Variants in MYO5B observed in about 807,000 individuals in gnomAD.
MYO5B encodes the protein myosin VB.
A neutral mutation model predicts 229.3 loss-of-function variants in MYO5B; 143 were observed. The ratio of observed to expected loss-of-function variants is 0.62; its 90% CI spans 0.54 to 0.72. MYO5B has a LOEUF of 0.72. Among genes scored for constraint, MYO5B ranks in the 30% least tolerant of loss-of-function variants. MYO5B has a pLI of 0.00. For missense variants in MYO5B, 2,321 were observed against 2,331.0 expected (o/e 1.00, Z 0.09); for synonymous variants, 918 against 885.2 (o/e 1.04, Z -0.66).
At chr18:49,858,463 C>T (rs572804684) in intron 29 of MYO5B, among the ~76,000 whole-genome samples, 129 of 152,318 alleles carry the variant, frequency 8.5e-4, no homozygotes, top group Middle Eastern at 6.8e-3. Flanking sequence ...CTGACTCCTG[C>T]GCCAGGACCC....
At chr18:49,848,294 T>A (rs981883221) in intron 32 of MYO5B, among the ~76,000 whole-genome samples, 1 of 147,616 alleles carries the variant, frequency 6.8e-6, no homozygotes, top group East Asian at 2.0e-4. Flanking sequence ...GGATGAAGGG[T>A]GGGTGCTGAT....
At chr18:49,936,936 C>T (rs1369864824) in intron 15 of MYO5B, among the ~76,000 whole-genome samples, 1 of 152,120 alleles carries the variant, frequency 6.6e-6, no homozygotes, top group Non-Finnish European at 1.5e-5. Context: ...TCCTCTCTAA[C>T]CTATAAATTC....
At chr18:50,043,309 A>AT (rs1401881431) in intron 2 of MYO5B, among the ~76,000 whole-genome samples, 5 of 102,028 alleles carry the variant, frequency 4.9e-5, no homozygotes, top group African/African-American at 1.6e-4. Flanking sequence ...AATATATAAT[A>AT]TAAATATATA....
At chr18:50,090,092 C>G (rs1306989224) in intron 1 of MYO5B, among the ~76,000 whole-genome samples, 1 of 152,160 alleles carries the variant, frequency 6.6e-6, no homozygotes, top group African/African-American at 2.4e-5. Context: ...TGTCTCTGTA[C>G]GAGGGAGCTT....
intron 17 of MYO5B, among the ~76,000 whole-genome samples, chr18:49,921,787 C>T (rs899753180): frequency 6.6e-5 from 10 of 152,200 alleles, no homozygotes; most frequent in South Asian, 2.1e-4. Context: ...TGCTCGGGCT[C>T]TTGGGAGCAG....
chr18:49,929,440 G>A, intron 17 of MYO5B, 72 bp downstream of exon 17: 2 of 1,257,454 alleles, frequency 1.6e-6, no homozygotes, highest in Non-Finnish European at 2.3e-6. Flanking sequence ...GTACACAGAG[G>A]GCTCCCTGGG....
chr18:50,094,210 A>G (rs1428240594), intron 1 of MYO5B, among the ~76,000 whole-genome samples: 1 of 152,206 alleles, frequency 6.6e-6, no homozygotes, highest in Non-Finnish European at 1.5e-5. Context: ...AAAGATAATC[A>G]TGGTATATTA....
intron 1 of MYO5B, among the ~76,000 whole-genome samples, chr18:50,067,988 C>T (rs532575321): frequency 5.4e-4 from 80 of 147,638 alleles, no homozygotes; most frequent in Admixed American, 1.4e-3. Context: ...TTCTAGAACA[C>T]ATATACATAC....
chr18:50,121,463 G>T (rs2032056957), intron 1 of MYO5B, among the ~76,000 whole-genome samples: 1 of 152,166 alleles, frequency 6.6e-6, no homozygotes. Context: ...TTACCTAAAA[G>T]ATTTATCAAA....
intron 5 of MYO5B, 87 bp downstream of exon 5, chr18:50,001,168 G>T (rs2026042448): frequency 1.9e-6 from 3 of 1,551,534 alleles, no homozygotes; most frequent in Non-Finnish European, 2.7e-6. Flanking sequence ...AGGCGTGAAG[G>T]CTGCCACCCA....
chr18:50,122,136 A>G (rs116139820), intron 1 of MYO5B, among the ~76,000 whole-genome samples: 313 of 152,204 alleles, frequency 2.1e-3, no homozygotes, highest in African/African-American at 6.3e-3. Flanking sequence ...ACTAAACATA[A>G]AGTACAGAAA....
In MYO5B at chr18:50,043,276, A is replaced by G. The variant is rs569661241; in HGVS notation, c.139-2962T>C. Among the ~76,000 whole-genome samples, 5 of 100,074 alleles carry G rather than the reference A, an allele frequency of 5.0e-5. No homozygotes were observed. In the South Asian group the frequency reaches 1.2e-3, roughly 23 times the overall value. 65.7% of individuals were successfully genotyped at this position (100,074 alleles called of 152,430 possible). On this transcript the variant is annotated intron_variant, in intron 2 of 39. Transcript: ENST00000285039. ...TAAATATTCATATATTTATAAATATATTTATATTTATATATTATATATAAT... is the reference window on the plus strand; with the variant it reads ...TAAATATTCATATATTTATAAATATGTTTATATTTATATATTATATATAAT...
At chr18:50,190,858 C>G (rs2033216930) in intron 1 of MYO5B, among the ~76,000 whole-genome samples, 2 of 152,130 alleles carry the variant, frequency 1.3e-5, no homozygotes, top group African/African-American at 4.8e-5. Flanking sequence ...AATCAAAGGG[C>G]TTTAAATTTT....
chr18:50,162,818 G>A (rs1043797964), intron 1 of MYO5B, among the ~76,000 whole-genome samples: 1 of 152,154 alleles, frequency 6.6e-6, no homozygotes, highest in Non-Finnish European at 1.5e-5. Context: ...AAAAGATCAG[G>A]CAACAAATCT....
intron 4 of MYO5B, 41 bp downstream of exon 4, chr18:50,036,809 C>G: frequency 6.2e-7 from 1 of 1,612,992 alleles, no homozygotes; most frequent in East Asian, 2.2e-5. Flanking sequence ...TTCCTGCCCA[C>G]TGACTACTCA....
chr18:50,027,615 G>A (rs1014817449), intron 4 of MYO5B, among the ~76,000 whole-genome samples: 4 of 152,144 alleles, frequency 2.6e-5, no homozygotes, highest in African/African-American at 9.7e-5. Flanking sequence ...GCAAGACTTA[G>A]TACACATGAA....
intron 1 of MYO5B, among the ~76,000 whole-genome samples, chr18:50,066,628 G>A (rs2030826433): frequency 6.6e-6 from 1 of 152,114 alleles, no homozygotes; most frequent in African/African-American, 2.4e-5. Context: ...ATATCAGAAG[G>A]AAAAAATGTT....
chr18:50,009,730 G>A (rs1359104062), intron 4 of MYO5B, among the ~76,000 whole-genome samples: 1 of 152,230 alleles, frequency 6.6e-6, no homozygotes, highest in Non-Finnish European at 1.5e-5. Context: ...TCCTCCCAAA[G>A]TTGGGAACAC....
intron 1 of MYO5B, among the ~76,000 whole-genome samples, chr18:50,077,422 C>T (rs756278352): frequency 6.6e-6 from 1 of 151,396 alleles, no homozygotes; most frequent in Admixed American, 6.6e-5. Flanking sequence ...AGTGGCCCTG[C>T]ATCTGGATGC....
Sources: gnomAD v4.1 joint callset for allele counts (sites outside exome capture counted in the v4.1 genomes callset) on GRCh38, gnomAD v4.1.1 for gene constraint, MANE v1.5 for transcripts, NCBI Gene and HGNC (gene_info 2026-07-23, HGNC 2026-07-21) for gene names.